The following GNAT3 variants were observed in gnomAD, a reference collection of about 807,000 sequenced individuals.
The protein encoded by GNAT3 is guanine nucleotide-binding protein G(t) subunit alpha-3.
GNAT3 carries 31 observed loss-of-function variants against 37.7 expected under a neutral mutation model. The observed-to-expected ratio is 0.82, with a 90% CI of 0.62 to 1.11. GNAT3 has a LOEUF of 1.11. Ranked by LOEUF, GNAT3 falls within the 50% of genes most tolerant of loss-of-function variation. The pLI is 0.00. For synonymous variants in GNAT3, 138 were observed against 139.8 expected (o/e 0.99, Z 0.09); for missense variants, 437 against 412.5 (o/e 1.06, Z -0.51).
At chr7:80,497,672 A>C (rs547613547) in intron 1 of GNAT3, among the ~76,000 whole-genome samples, 1,899 of 94,582 alleles carry the variant, frequency 0.02, 194 homozygotes, top group African/African-American at 0.15. Context: ...ACGTATATAC[A>C]TACATATATA....
chr7:80,481,924 A>G (rs1486463152), intron 3 of GNAT3, among the ~76,000 whole-genome samples: 2 of 152,162 alleles, frequency 1.3e-5, no homozygotes, highest in Non-Finnish European at 2.9e-5. Flanking sequence ...GTTTGAATCC[A>G]CCTATGACTG....
At chr7:80,486,661 TAC>T (rs1790489926) in intron 3 of GNAT3, 1 of 134,750 alleles carries the variant, frequency 7.4e-6, no homozygotes, top group Non-Finnish European at 1.6e-5. Flanking sequence ...TTTTTATAGA[TAC>T]AGTGTCTGGT....
chr7:80,509,257 T>G (rs2116237418), intron 1 of GNAT3, among the ~76,000 whole-genome samples: 1 of 152,216 alleles, frequency 6.6e-6, no homozygotes, highest in South Asian at 2.1e-4. Context: ...TATAAGACTG[T>G]TATGAATTTG....
intron 1 of GNAT3, among the ~76,000 whole-genome samples, chr7:80,508,957 CAG>C (rs1791003432): frequency 6.6e-6 from 1 of 151,998 alleles, no homozygotes; most frequent in East Asian, 1.9e-4. Flanking sequence ...GGTATTGACT[CAG>C]GAGCTGATCA....
intron 1 of GNAT3, among the ~76,000 whole-genome samples, chr7:80,496,440 T>C (rs1444672212): frequency 6.6e-6 from 1 of 152,156 alleles, no homozygotes. Flanking sequence ...CCACCCTATT[T>C]AAATTTCTAA....
intron 1 of GNAT3, among the ~76,000 whole-genome samples, chr7:80,496,100 A>G (rs780738269): frequency 2.0e-5 from 3 of 152,096 alleles, no homozygotes; most frequent in Non-Finnish European, 2.9e-5. Context: ...TTGAAGTCTT[A>G]GTCACAAATT....
At chr7:80,486,620 C>G (rs965784268) in intron 3 of GNAT3, 2 of 116,044 alleles carry the variant, frequency 1.7e-5, no homozygotes, top group African/African-American at 6.6e-5. Flanking sequence ...ATTTTTTTTT[C>G]TTTTTCTTTT....
At chr7:80,459,763 G>T (rs1790018042) in intron 7 of GNAT3, among the ~76,000 whole-genome samples, 1 of 152,122 alleles carries the variant, frequency 6.6e-6, no homozygotes. Flanking sequence ...CTACTTTATT[G>T]TAACTAGAAA....
At chr7:80,468,520 A>G (rs1790159656) in intron 5 of GNAT3, among the ~76,000 whole-genome samples, 1 of 152,056 alleles carries the variant, frequency 6.6e-6, no homozygotes, top group Admixed American at 6.6e-5. Flanking sequence ...TATTCTATTG[A>G]ATGGGATTTA....
chr7:80,502,947 T>C (rs2116225541), intron 1 of GNAT3, among the ~76,000 whole-genome samples: 1 of 152,268 alleles, frequency 6.6e-6, no homozygotes, highest in Non-Finnish European at 1.5e-5. Context: ...TAATTCAGAA[T>C]TGCATCAAGA....
At chr7:80,465,423 G>C (rs953380992) in intron 5 of GNAT3, among the ~76,000 whole-genome samples, 2 of 152,076 alleles carry the variant, frequency 1.3e-5, no homozygotes, top group Non-Finnish European at 2.9e-5. Context: ...TCAGGAACTT[G>C]CAAGGTAGGT....
chr7:80,494,653 A>G lies in GNAT3; in HGVS notation c.119-6T>C. ...TTTCCCAGATTCTCCTGCTCCTGCAACATAAAAAGAGGAATATTATTAACT... is the reference window on the plus strand; with the variant it reads ...TTTCCCAGATTCTCCTGCTCCTGCAGCATAAAAAGAGGAATATTATTAACT... On this transcript the variant is annotated splice_region_variant and splice_polypyrimidine_tract_variant and intron_variant, in intron 1 of 7. Coordinates refer to ENST00000398291, the MANE Select transcript of GNAT3 (RefSeq NM_001102386.3). 6.7e-7 allele frequency: 1 copy of G among 1,491,372 alleles called. No homozygotes were observed. Among genetic ancestry groups the G allele is most frequent in the Non-Finnish European group, 9.2e-7 (1 of 1,083,402 alleles). 92.4% of individuals were successfully genotyped at this position (1,491,372 alleles called of 1,614,324 possible). A position where few individuals can be genotyped will look rare whatever the true frequency, so the allele number is the denominator to read the frequency against.
At chr7:80,478,094 A>G (rs766876747) in intron 4 of GNAT3, among the ~76,000 whole-genome samples, 12 of 152,168 alleles carry the variant, frequency 7.9e-5, no homozygotes, top group Non-Finnish European at 1.5e-4. Flanking sequence ...ATTTTTTTGT[A>G]GCAACTTGGC....
chr7:80,506,105 A>G (rs1418511529), intron 1 of GNAT3, among the ~76,000 whole-genome samples: 2 of 152,228 alleles, frequency 1.3e-5, no homozygotes, highest in Non-Finnish European at 2.9e-5. Flanking sequence ...ATAACTTGTT[A>G]ACTGCTCATG....
intron 7 of GNAT3, among the ~76,000 whole-genome samples, chr7:80,460,269 G>A (rs1240006395): frequency 6.6e-6 from 1 of 152,144 alleles, no homozygotes; most frequent in Admixed American, 6.6e-5. Context: ...TCTGGAAAAG[G>A]CAAAAGGATA....
chr7:80,461,922 C>A (rs1259091173), intron 7 of GNAT3, among the ~76,000 whole-genome samples: 1 of 152,172 alleles, frequency 6.6e-6, no homozygotes, highest in Non-Finnish European at 1.5e-5. Flanking sequence ...TATAGAGTAG[C>A]AACCCTGGTC....
chr7:80,482,498 T>G (rs1203423509), intron 3 of GNAT3, among the ~76,000 whole-genome samples: 1 of 151,866 alleles, frequency 6.6e-6, no homozygotes, highest in Admixed American at 6.6e-5. Flanking sequence ...CTTTTTCTTT[T>G]TTGTTTTTTT....
chr7:80,485,946 G>T (rs1032755622), intron 3 of GNAT3, among the ~76,000 whole-genome samples: 1 of 152,098 alleles, frequency 6.6e-6, no homozygotes, highest in African/African-American at 2.4e-5. Context: ...GACTAATAAA[G>T]CTCACATAAA....
intron 5 of GNAT3, among the ~76,000 whole-genome samples, chr7:80,469,030 A>G (rs1298400287): frequency 2.6e-5 from 4 of 152,102 alleles, no homozygotes; most frequent in African/African-American, 9.7e-5. Context: ...TTATTGCTCT[A>G]TGAGATCTTA....
Sources: gnomAD v4.1 joint callset for allele counts (sites outside exome capture counted in the v4.1 genomes callset) on GRCh38, gnomAD v4.1.1 for gene constraint, MANE v1.5 for transcripts, NCBI Gene and HGNC (gene_info 2026-07-23, HGNC 2026-07-21) for gene names.